CMSS1: variants seen among roughly 807,000 people sequenced by gnomAD.
CMSS1 encodes cms1 ribosomal small subunit homolog, also known as protein CMSS1.
Under a neutral mutation model 43.5 loss-of-function variants are expected in CMSS1, and 33 were observed. The ratio of observed to expected loss-of-function variants is 0.76; its 90% confidence interval spans 0.57 to 1.01. The LOEUF is 1.01. CMSS1 is among the 50% of genes least tolerant of loss of function. The pLI, the probability that CMSS1 is intolerant of heterozygous loss-of-function variation, is 0.00. For synonymous variants in CMSS1, 115 were observed against 117.2 expected (o/e 0.98, Z 0.12); for missense variants, 313 against 326.4 (o/e 0.96, Z 0.32).
intron 1 of CMSS1, among the ~76,000 whole-genome samples, chr3:100,027,165 C>A (rs1255026018): frequency 6.6e-6 from 1 of 152,146 alleles, no homozygotes; most frequent in Non-Finnish European, 1.5e-5. Flanking sequence ...TCCACCTTCT[C>A]TGCTTTTTGT....
chr3:99,849,776 T>A, intron 1 of CMSS1: 1 of 1,613,742 alleles, frequency 6.2e-7, no homozygotes, highest in Non-Finnish European at 8.5e-7. Flanking sequence ...AGTTTCAGTC[T>A]TTCCACTTCT....
At chr3:100,155,766 G>A (rs1240609639) in intron 2 of CMSS1, among the ~76,000 whole-genome samples, 1 of 152,120 alleles carries the variant, frequency 6.6e-6, no homozygotes, top group Non-Finnish European at 1.5e-5. Flanking sequence ...TACTTTGGCT[G>A]GGTATAAAAG....
intron 1 of CMSS1, among the ~76,000 whole-genome samples, chr3:99,907,720 T>C (rs369416766): frequency 6.6e-6 from 1 of 152,336 alleles, no homozygotes; most frequent in East Asian, 1.9e-4. Flanking sequence ...AGTCCACCTA[T>C]AATGATTTTT....
intron 1 of CMSS1, among the ~76,000 whole-genome samples, chr3:99,888,986 A>G (rs1413163222): frequency 2.0e-5 from 3 of 152,176 alleles, no homozygotes; most frequent in African/African-American, 7.2e-5. Context: ...GAATTTGATC[A>G]GTATGTTATC....
intron 1 of CMSS1, among the ~76,000 whole-genome samples, chr3:100,120,874 C>A (rs1435179620): frequency 1.3e-5 from 2 of 152,060 alleles, no homozygotes; most frequent in African/African-American, 4.8e-5. Context: ...CAGAGGACAC[C>A]GAGTCAACCC....
At chr3:100,120,147 A>G (rs899592315) in intron 1 of CMSS1, among the ~76,000 whole-genome samples, 1 of 152,240 alleles carries the variant, frequency 6.6e-6, no homozygotes, top group African/African-American at 2.4e-5. Context: ...CTATCTCTTC[A>G]TGTTCTTCAA....
chr3:100,007,598 A>G (rs1250128961), intron 1 of CMSS1, among the ~76,000 whole-genome samples: 9 of 152,208 alleles, frequency 5.9e-5, no homozygotes. Context: ...AGGCACAGAG[A>G]GGCCCAGAAT....
intron 1 of CMSS1, among the ~76,000 whole-genome samples, chr3:100,108,785 G>A (rs2066436066): frequency 6.6e-6 from 1 of 152,092 alleles, no homozygotes. Context: ...GTCTTCTTTT[G>A]TGGTACACCT....
At chr3:100,027,513 A>T (rs1235114222) in intron 1 of CMSS1, among the ~76,000 whole-genome samples, 2 of 152,136 alleles carry the variant, frequency 1.3e-5, no homozygotes, top group African/African-American at 4.8e-5. Flanking sequence ...TGAATGCATC[A>T]TGATGCCTGC....
At chr3:99,911,281 G>C (rs796274917) in intron 1 of CMSS1, among the ~76,000 whole-genome samples, 17 of 150,180 alleles carry the variant, frequency 1.1e-4, no homozygotes, top group Admixed American at 3.3e-4. Context: ...TGTTTTGCTC[G>C]TAATAGTTTT....
chr3:100,039,225 G>A (rs2065160476), intron 1 of CMSS1, among the ~76,000 whole-genome samples: 2 of 152,122 alleles, frequency 1.3e-5, no homozygotes, highest in South Asian at 4.1e-4. Context: ...ATCTAATTCA[G>A]TTAGTCTGCT....
At chr3:99,915,197 A>C (rs1425376051) in intron 1 of CMSS1, among the ~76,000 whole-genome samples, 1 of 152,172 alleles carries the variant, frequency 6.6e-6, no homozygotes, top group Non-Finnish European at 1.5e-5. Context: ...ATGCTAACCG[A>C]AGGGAATGAA....
chr3:100,159,363 T>G (rs1387944009), intron 2 of CMSS1, among the ~76,000 whole-genome samples: 3 of 152,292 alleles, frequency 2.0e-5, no homozygotes, highest in Admixed American at 1.3e-4. Context: ...CTTGAAGAAA[T>G]TATGTAGTAT....
At chr3:100,088,101 G>T (rs2066043946) in intron 1 of CMSS1, among the ~76,000 whole-genome samples, 1 of 152,218 alleles carries the variant, frequency 6.6e-6, no homozygotes, top group Non-Finnish European at 1.5e-5. Context: ...AAAGTGCTGG[G>T]ATTACAGGCA....
chr3:99,997,883 G>A (rs1709728993), intron 1 of CMSS1, among the ~76,000 whole-genome samples: 3 of 152,146 alleles, frequency 2.0e-5, no homozygotes, highest in South Asian at 2.1e-4. Flanking sequence ...GTAAACTAAA[G>A]TATAATGCAT....
intron 1 of CMSS1, among the ~76,000 whole-genome samples, chr3:100,119,379 G>A (rs1296442116): frequency 6.6e-6 from 1 of 152,110 alleles, no homozygotes; most frequent in Non-Finnish European, 1.5e-5. Flanking sequence ...TGTCCCCTCT[G>A]TATCCCAGAT....
At chr3:99,992,372 A>ATAAG (rs1709550204) in intron 1 of CMSS1, among the ~76,000 whole-genome samples, 1 of 152,030 alleles carries the variant, frequency 6.6e-6, no homozygotes, top group South Asian at 2.1e-4. Flanking sequence ...TCTGACTGAT[A>ATAAG]TAAGGGAGTA....
chr3:100,141,332 G>A (rs552476054), intron 1 of CMSS1, among the ~76,000 whole-genome samples: 5 of 152,198 alleles, frequency 3.3e-5, no homozygotes, highest in Admixed American at 2.6e-4. Flanking sequence ...CAAACTAAAT[G>A]TATGTGCAAC....
chr3:100,166,460 G>T, intron 5 of CMSS1, 66 bp downstream of exon 5: 1 of 1,112,268 alleles, frequency 9.0e-7, no homozygotes, highest in Non-Finnish European at 1.4e-6. Flanking sequence ...TGGGAATTTA[G>T]GTTTTGGTCT....
Sources: allele counts gnomAD v4.1 joint callset (sites outside exome capture counted in the v4.1 genomes callset), GRCh38; gene constraint gnomAD v4.1.1; transcripts MANE v1.5; gene names NCBI Gene and HGNC (gene_info 2026-07-23, HGNC 2026-07-21).